Variants in CCDC170 observed in about 807,000 individuals in gnomAD.
CCDC170 encodes coiled-coil domain-containing protein 170.
Under a neutral mutation model 72.6 loss-of-function variants are expected in CCDC170, and 69 were observed. The ratio of observed to expected loss-of-function variants is 0.95; its 90% CI spans 0.78 to 1.16. The LOEUF is 1.16. Ranked by LOEUF, CCDC170 falls within the 50% of genes most tolerant of loss-of-function variation. The pLI is 0.00. For missense variants in CCDC170, 852 were observed against 832.5 expected (o/e 1.02, Z -0.29); for synonymous variants, 300 against 303.9 (o/e 0.99, Z 0.13).
At chr6:151,591,561 C>G (rs1294996584) in intron 7 of CCDC170, among the ~76,000 whole-genome samples, 2 of 151,770 alleles carry the variant, frequency 1.3e-5, no homozygotes, top group African/African-American at 4.8e-5. Flanking sequence ...GTGGTGCAAT[C>G]TCGGCTTACT....
intron 4 of CCDC170, 32 bp downstream of exon 4, chr6:151,544,748 T>C: frequency 6.3e-7 from 1 of 1,577,510 alleles, no homozygotes; most frequent in Non-Finnish European, 8.7e-7. Context: ...AGTCTATAAA[T>C]GTAGTGGTGA....
chr6:151,582,268 T>G (rs1352955804), intron 6 of CCDC170, among the ~76,000 whole-genome samples: 1 of 152,240 alleles, frequency 6.6e-6, no homozygotes, highest in Non-Finnish European at 1.5e-5. Flanking sequence ...TGTGGATAAC[T>G]TACCCCAGCT....
chr6:151,535,946 G>C (rs572873752), intron 1 of CCDC170, among the ~76,000 whole-genome samples: 2 of 152,152 alleles, frequency 1.3e-5, no homozygotes, highest in South Asian at 4.1e-4. Flanking sequence ...GTAGAGATAG[G>C]GTCTTGCTGT....
chr6:151,551,145 T>C (rs1782872218), intron 5 of CCDC170, among the ~76,000 whole-genome samples: 1 of 152,192 alleles, frequency 6.6e-6, no homozygotes, highest in Admixed American at 6.5e-5. Flanking sequence ...GATGCAACAA[T>C]GGTTAGCATT....
At chr6:151,605,906 T>G (rs1202415945) in intron 9 of CCDC170, among the ~76,000 whole-genome samples, 2 of 150,920 alleles carry the variant, frequency 1.3e-5, no homozygotes, top group African/African-American at 4.9e-5. Flanking sequence ...GCCGCCATTT[T>G]TTTTTTTTTT....
intron 6 of CCDC170, 24 bp from the exon 7 acceptor site, chr6:151,585,865 C>A: frequency 6.2e-7 from 1 of 1,608,016 alleles, no homozygotes; most frequent in Non-Finnish European, 8.5e-7. Flanking sequence ...AAGGCTTATT[C>A]TTGATCTGTT....
chr6:151,572,810 C>T (rs1179805252), intron 5 of CCDC170, among the ~76,000 whole-genome samples: 8 of 151,620 alleles, frequency 5.3e-5, no homozygotes, highest in Non-Finnish European at 7.4e-5. Context: ...CCACTATGCC[C>T]CGCTAAGTTT....
chr6:151,596,320 T>G lies in CCDC170; in HGVS notation c.1468-15T>G. ...TCAATTATTAAAAAAAAAATCCCTG[T>G]TTGCATCAAACCAGCTAAAGACACA... On this transcript the variant is annotated splice_polypyrimidine_tract_variant and intron_variant, in intron 8 of 10. Coordinates refer to ENST00000239374, the MANE Select transcript of CCDC170 (RefSeq NM_025059.4). The G allele has an allele frequency of 1.3e-6, 2 of 1,578,258 alleles. No individual in the cohort carries two copies. The highest frequency in any genetic ancestry group is 1.7e-6 in the Non-Finnish European group (2 of 1,167,526).
intron 1 of CCDC170, among the ~76,000 whole-genome samples, chr6:151,528,024 T>C (rs750458611): frequency 3.3e-5 from 5 of 152,206 alleles, no homozygotes; most frequent in Admixed American, 6.5e-5. Context: ...ATCTTTGCTT[T>C]ATGCCATTGA....
chr6:151,572,651 T>G (rs1384238276), intron 5 of CCDC170, among the ~76,000 whole-genome samples: 1 of 74,394 alleles, frequency 1.3e-5, no homozygotes, highest in African/African-American at 5.5e-5. Flanking sequence ...TTCTCTGTGT[T>G]TTTTTTTTTT....
At chr6:151,519,132 T>A (rs1343273431) in intron 1 of CCDC170, among the ~76,000 whole-genome samples, 1 of 152,108 alleles carries the variant, frequency 6.6e-6, no homozygotes, top group East Asian at 1.9e-4. Context: ...CTAATAAGCC[T>A]GAGGGTACTG....
At chr6:151,552,662 T>C (rs1207462301) in intron 5 of CCDC170, among the ~76,000 whole-genome samples, 1 of 152,154 alleles carries the variant, frequency 6.6e-6, no homozygotes, top group Non-Finnish European at 1.5e-5. Flanking sequence ...CCCTGTGACC[T>C]TGTAGCATGA....
intron 1 of CCDC170, among the ~76,000 whole-genome samples, chr6:151,536,002 C>T (rs374417320): frequency 6.6e-6 from 1 of 152,282 alleles, no homozygotes; most frequent in East Asian, 1.9e-4. Flanking sequence ...TCAAGCAATC[C>T]TCCTGCCTTG....
At chr6:151,547,185 C>T (rs1782790178) in intron 4 of CCDC170, among the ~76,000 whole-genome samples, 1 of 152,306 alleles carries the variant, frequency 6.6e-6, no homozygotes, top group South Asian at 2.1e-4. Context: ...ATTAGACATT[C>T]ATTCCTTCAT....
At chr6:151,551,338 A>G (rs772698654) in intron 5 of CCDC170, among the ~76,000 whole-genome samples, 9 of 152,218 alleles carry the variant, frequency 5.9e-5, no homozygotes, top group Non-Finnish European at 1.3e-4. Flanking sequence ...TAACCACAAT[A>G]CCACTGCTGC....
chr6:151,588,757 A>G (rs376207432), intron 7 of CCDC170, among the ~76,000 whole-genome samples: 1 of 152,286 alleles, frequency 6.6e-6, no homozygotes, highest in East Asian at 1.9e-4. Context: ...CCTGGGCAAC[A>G]TGGTGAAACC....
chr6:151,606,988 T>C (rs906462688), intron 9 of CCDC170, among the ~76,000 whole-genome samples: 1 of 152,198 alleles, frequency 6.6e-6, no homozygotes, highest in African/African-American at 2.4e-5. Context: ...ATTCAGTCTA[T>C]GTGTCTTTAC....
intron 9 of CCDC170, among the ~76,000 whole-genome samples, chr6:151,603,363 T>C (rs1410718725): frequency 1.3e-5 from 2 of 152,228 alleles, no homozygotes; most frequent in Non-Finnish European, 2.9e-5. Flanking sequence ...TTTGTACCTA[T>C]GCCATGACAT....
chr6:151,536,792 A>G (rs947921957), intron 2 of CCDC170, among the ~76,000 whole-genome samples: 85 of 150,800 alleles, frequency 5.6e-4, no homozygotes, highest in Non-Finnish European at 9.6e-4. Context: ...AAAAAAAAAA[A>G]AAAAAAGAAA....
Sources: allele counts gnomAD v4.1 joint callset (sites outside exome capture counted in the v4.1 genomes callset), GRCh38; gene constraint gnomAD v4.1.1; transcripts MANE v1.5; gene names NCBI Gene and HGNC (gene_info 2026-07-23, HGNC 2026-07-21).